BANK1: variants seen among roughly 807,000 people sequenced by gnomAD.
BANK1 encodes B-cell scaffold protein with ankyrin repeats.
Under a neutral mutation model 94.5 loss-of-function variants are expected in BANK1, and 95 were observed. The observed-to-expected ratio is 1.00, with a 90% CI of 0.85 to 1.19. The LOEUF (loss-of-function observed/expected upper bound fraction) is 1.19, where lower values mean the gene tolerates loss of function less well. Among genes scored for constraint, BANK1 ranks in the 50% most tolerant of loss-of-function variants. The pLI is 0.00. For missense variants in BANK1, 987 were observed against 932.2 expected, an observed-to-expected ratio of 1.06 and a Z score of -0.77; for synonymous variants, 334 against 308.4, an observed-to-expected ratio of 1.08 and a Z score of -0.87.
intron 10 of BANK1, among the ~76,000 whole-genome samples, chr4:102,041,798 C>G (rs1727712496): frequency 6.6e-6 from 1 of 151,988 alleles, no homozygotes; most frequent in African/African-American, 2.4e-5. Flanking sequence ...ACTTCTTAAT[C>G]TAGTAACTGA....
In BANK1 at chr4:101,936,347, A is replaced by G. The variant is rs117867586; in HGVS notation, c.1206+18158A>G. On this transcript the variant is annotated intron_variant, in intron 7 of 16. Coordinates refer to ENST00000322953, the MANE Select transcript of BANK1 (RefSeq NM_017935.5). ...TATCCATACATATATATGTACATAT[A>G]CATGTATACATACATGCATATATGT... is the stretch of plus-strand genomic sequence containing the variant. 4.8e-3 allele frequency among the ~76,000 whole-genome samples: 720 copies of G among 150,264 alleles called. 14 individuals are homozygous for G. The East Asian group carries it at 0.06, about 12-fold the overall frequency.
At chr4:102,009,373 A>G (rs1477593265) in intron 7 of BANK1, among the ~76,000 whole-genome samples, 1 of 152,126 alleles carries the variant, frequency 6.6e-6, no homozygotes, top group East Asian at 1.9e-4. Flanking sequence ...CATTTTGATT[A>G]TTTTAATTAT....
At chr4:101,991,891 G>A (rs1408609806) in intron 7 of BANK1, among the ~76,000 whole-genome samples, 2 of 152,142 alleles carry the variant, frequency 1.3e-5, no homozygotes, top group Non-Finnish European at 2.9e-5. Context: ...GTCTTTAAGG[G>A]ATACACAGAG....
chr4:101,860,347 T>C (rs1032535306), intron 3 of BANK1, among the ~76,000 whole-genome samples: 5 of 152,048 alleles, frequency 3.3e-5, no homozygotes, highest in Non-Finnish European at 7.4e-5. Context: ...AGTGCCTCAT[T>C]TGGGGTGGTC....
At chr4:101,935,899 A>G (rs1295924255) in intron 7 of BANK1, among the ~76,000 whole-genome samples, 1 of 151,558 alleles carries the variant, frequency 6.6e-6, no homozygotes, top group Non-Finnish European at 1.5e-5. Context: ...CTCTCACCAT[A>G]TACAAAAATC....
chr4:102,058,430 T>G (rs1728307556), intron 11 of BANK1, among the ~76,000 whole-genome samples: 1 of 152,100 alleles, frequency 6.6e-6, no homozygotes, highest in Admixed American at 6.5e-5. Context: ...AAAATTATAT[T>G]AAATTCATAC....
intron 7 of BANK1, among the ~76,000 whole-genome samples, chr4:101,922,009 C>CGTGTGT (rs68027862): frequency 0.034 from 4,336 of 129,392 alleles, 117 homozygotes; most frequent in East Asian, 0.1. Flanking sequence ...ACACTGGGCC[C>CGTGTGT]GTGTGTGTGT....
chr4:101,985,315 G>C (rs142511496), intron 7 of BANK1, among the ~76,000 whole-genome samples: 74 of 152,270 alleles, frequency 4.9e-4, no homozygotes, highest in Middle Eastern at 3.4e-3. Flanking sequence ...AGGGTAATTT[G>C]CTTTACTCAG....
At chr4:102,064,312 A>G (rs1291935496) in intron 13 of BANK1, among the ~76,000 whole-genome samples, 1 of 152,232 alleles carries the variant, frequency 6.6e-6, no homozygotes, top group East Asian at 1.9e-4. Flanking sequence ...AATTAAGGTC[A>G]TAAAGACAGG....
At chr4:101,978,051 C>A (rs1421359307) in intron 7 of BANK1, among the ~76,000 whole-genome samples, 1 of 151,848 alleles carries the variant, frequency 6.6e-6, no homozygotes, top group Non-Finnish European at 1.5e-5. Flanking sequence ...GCAACCTCTG[C>A]CTCCCAGGTT....
intron 1 of BANK1, among the ~76,000 whole-genome samples, chr4:101,818,335 A>T (rs1382947144): frequency 6.6e-6 from 1 of 152,210 alleles, no homozygotes; most frequent in East Asian, 1.9e-4. Flanking sequence ...GCTCCAGTAA[A>T]TATATCATCT....
At chr4:101,824,629 CTTG>C (rs1726295180) in intron 1 of BANK1, among the ~76,000 whole-genome samples, 1 of 149,816 alleles carries the variant, frequency 6.7e-6, no homozygotes, top group Non-Finnish European at 1.5e-5. Flanking sequence ...GATTAATGTT[CTTG>C]TTGTTATTGC....
At chr4:101,889,465 G>T (rs1721765966) in intron 5 of BANK1, among the ~76,000 whole-genome samples, 2 of 151,456 alleles carry the variant, frequency 1.3e-5, no homozygotes, top group East Asian at 3.9e-4. Flanking sequence ...GGGCGCGGTG[G>T]CGGGCGCCTG....
chr4:101,996,565 G>A (rs1474137428), intron 7 of BANK1, among the ~76,000 whole-genome samples: 1 of 152,150 alleles, frequency 6.6e-6, no homozygotes. Flanking sequence ...TATGAGCATG[G>A]AATGTTTTTC....
chr4:101,925,970 G>T (rs1456699030), intron 7 of BANK1, among the ~76,000 whole-genome samples: 1 of 151,630 alleles, frequency 6.6e-6, no homozygotes, highest in African/African-American at 2.4e-5. Flanking sequence ...TAAACACACG[G>T]CATTGTCCTT....
At chr4:102,024,925 A>G (rs1727027674) in intron 8 of BANK1, among the ~76,000 whole-genome samples, 1 of 152,226 alleles carries the variant, frequency 6.6e-6, no homozygotes, top group Admixed American at 6.5e-5. Flanking sequence ...TGTTCAAACA[A>G]TAACTCTAAA....
At chr4:101,926,278 T>C (rs1308030624) in intron 7 of BANK1, among the ~76,000 whole-genome samples, 1 of 151,708 alleles carries the variant, frequency 6.6e-6, no homozygotes, top group African/African-American at 2.4e-5. Flanking sequence ...ACAATATATT[T>C]TTTTCATTTC....
intron 7 of BANK1, among the ~76,000 whole-genome samples, chr4:102,009,654 T>G (rs1205364901): frequency 6.6e-6 from 1 of 152,218 alleles, no homozygotes; most frequent in Non-Finnish European, 1.5e-5. Context: ...CTTGGACAAG[T>G]TATTTAACCC....
chr4:101,810,813 A>C (rs2148854240), intron 1 of BANK1, among the ~76,000 whole-genome samples: 1 of 152,326 alleles, frequency 6.6e-6, no homozygotes, highest in African/African-American at 2.4e-5. Context: ...ATGAAGTTAA[A>C]GTAAATTAAT....
Sources: allele counts gnomAD v4.1 joint callset (sites outside exome capture counted in the v4.1 genomes callset), GRCh38; gene constraint gnomAD v4.1.1; transcripts MANE v1.5; gene names NCBI Gene and HGNC (gene_info 2026-07-23, HGNC 2026-07-21).